Variants in HEMK2 observed in about 807,000 individuals in gnomAD.
HEMK2 encodes the protein HemK methyltransferase 2, ETF1 glutamine and histone H4 lysine.
At chr21:28,664,507 A>G in the HEMK2 span, among the ~76,000 whole-genome samples, 4 of 152,142 alleles carry the variant, frequency 2.6e-5, no homozygotes, top group African/African-American at 9.7e-5. Context: ...TACTTACACT[A>G]CCATCAACCA....
the HEMK2 span, among the ~76,000 whole-genome samples, chr21:28,770,507 T>A: frequency 2.6e-5 from 4 of 152,056 alleles, no homozygotes. Flanking sequence ...TCCCCCAAAG[T>A]TTGTGTGTTA....
the HEMK2 span, among the ~76,000 whole-genome samples, chr21:28,665,526 C>T: frequency 2.0e-5 from 3 of 150,622 alleles, no homozygotes; most frequent in Non-Finnish European, 4.4e-5. Flanking sequence ...TGCAGCGCAC[C>T]AACATGGCAC....
At chr21:28,778,756 C>T in the HEMK2 span, among the ~76,000 whole-genome samples, 1 of 152,140 alleles carries the variant, frequency 6.6e-6, no homozygotes, top group African/African-American at 2.4e-5. Flanking sequence ...TTGCCCTTTA[C>T]TAATTAAATT....
chr21:28,645,472 T>C, the HEMK2 span, among the ~76,000 whole-genome samples: 1 of 152,042 alleles, frequency 6.6e-6, no homozygotes, highest in Admixed American at 6.6e-5. Flanking sequence ...TTAAGAAAAA[T>C]TGACACAAAT....
At chr21:28,772,129 G>A in the HEMK2 span, among the ~76,000 whole-genome samples, 77 of 152,212 alleles carry the variant, frequency 5.1e-4, no homozygotes, top group African/African-American at 1.6e-3. Context: ...AAAATGCATC[G>A]TCTGTGGTTC....
the HEMK2 span, among the ~76,000 whole-genome samples, chr21:28,791,548 G>A: frequency 6.6e-6 from 1 of 152,284 alleles, no homozygotes; most frequent in South Asian, 2.1e-4. Context: ...CTCTTATCAT[G>A]CTCTATTTGA....
the HEMK2 span, among the ~76,000 whole-genome samples, chr21:28,672,857 T>G: frequency 6.6e-6 from 1 of 152,188 alleles, no homozygotes; most frequent in Admixed American, 6.5e-5. Context: ...GCTCTTCCTT[T>G]TATCTCCCAA....
chr21:28,671,899 C>G, the HEMK2 span, among the ~76,000 whole-genome samples: 4 of 152,058 alleles, frequency 2.6e-5, no homozygotes, highest in Admixed American at 1.3e-4. Flanking sequence ...TTTGCAAAAC[C>G]TTTAATCCAA....
At chr21:28,834,924 C>T in the HEMK2 span, among the ~76,000 whole-genome samples, 8 of 152,054 alleles carry the variant, frequency 5.3e-5, no homozygotes, top group Non-Finnish European at 1.2e-4. Flanking sequence ...AGCCATAATC[C>T]TCCTAGGTAC....
At chr21:28,760,037 G>GACTT in the HEMK2 span, among the ~76,000 whole-genome samples, 2 of 152,050 alleles carry the variant, frequency 1.3e-5, no homozygotes, top group Non-Finnish European at 2.9e-5. Flanking sequence ...ATATTTTCTG[G>GACTT]ACTTCTTTCC....
the HEMK2 span, among the ~76,000 whole-genome samples, chr21:28,613,619 C>CTTTTTTTTTTTTTTTTTTT: frequency 2.4e-4 from 20 of 82,696 alleles, 5 homozygotes; most frequent in African/African-American, 7.3e-4. Flanking sequence ...TCTGCATATT[C>CTTTTTTTTTTTTTTTTTTT]TTTTTTTTTT....
the HEMK2 span, chr21:28,882,219 A>G: frequency 1.9e-6 from 3 of 1,610,072 alleles, no homozygotes; most frequent in Non-Finnish European, 2.5e-6. Flanking sequence ...TCTAGGGTAC[A>G]AGCTGCTGCC....
At chr21:28,621,133 T>C in the HEMK2 span, among the ~76,000 whole-genome samples, 3 of 152,164 alleles carry the variant, frequency 2.0e-5, no homozygotes, top group African/African-American at 7.2e-5. Context: ...CTCTTGCTTC[T>C]CTAGTTCTTT....
the HEMK2 span, among the ~76,000 whole-genome samples, chr21:28,691,637 C>T: frequency 6.6e-6 from 1 of 152,108 alleles, no homozygotes; most frequent in Admixed American, 6.5e-5. Context: ...TATTTCAATG[C>T]CACAATCTAG....
the HEMK2 span, among the ~76,000 whole-genome samples, chr21:28,725,698 A>G: frequency 6.6e-6 from 1 of 152,224 alleles, no homozygotes; most frequent in African/African-American, 2.4e-5. Flanking sequence ...CCAGATTCTC[A>G]ATCTCATTTC....
At chr21:28,804,464 G>A in the HEMK2 span, among the ~76,000 whole-genome samples, 3 of 152,212 alleles carry the variant, frequency 2.0e-5, no homozygotes, top group Admixed American at 1.3e-4. Context: ...GCCGGGCACA[G>A]TGGCTCACGC....
At chr21:28,693,215 T>G in the HEMK2 span, among the ~76,000 whole-genome samples, 1 of 152,138 alleles carries the variant, frequency 6.6e-6, no homozygotes, top group African/African-American at 2.4e-5. Context: ...AAATAATTCA[T>G]TCAAAAAACA....
At chr21:28,622,983 T>C in the HEMK2 span, among the ~76,000 whole-genome samples, 3 of 151,920 alleles carry the variant, frequency 2.0e-5, no homozygotes, top group East Asian at 3.9e-4. Context: ...AATTGACAAA[T>C]GGGATCGAAT....
At chr21:28,688,234 A>G in the HEMK2 span, among the ~76,000 whole-genome samples, 1 of 152,232 alleles carries the variant, frequency 6.6e-6, no homozygotes, top group Non-Finnish European at 1.5e-5. Context: ...TTGAGAGTAC[A>G]TTCAATGGGT....
Sources: allele counts gnomAD v4.1 joint callset (sites outside exome capture counted in the v4.1 genomes callset), GRCh38; gene constraint gnomAD v4.1.1; transcripts MANE v1.5; gene names NCBI Gene and HGNC (gene_info 2026-07-23, HGNC 2026-07-21).